PIEZO2: variants seen among roughly 807,000 people sequenced by gnomAD.
PIEZO2 encodes the protein piezo type mechanosensitive ion channel component 2.
A neutral mutation model predicts 337.3 loss-of-function variants in PIEZO2; 172 were observed. The observed-to-expected ratio is 0.51, with a 90% CI of 0.45 to 0.58. The LOEUF is 0.58. PIEZO2 is among the 20% of genes least tolerant of loss of function. PIEZO2 has a pLI of 0.00. For synonymous variants in PIEZO2, 1,251 were observed against 1,228.5 expected, an observed-to-expected ratio of 1.02 and a Z score of -0.38; for missense variants, 3,028 against 3,391.3, an observed-to-expected ratio of 0.89 and a Z score of 2.66.
At chr18:10,812,093 A>G (rs1013297271) in intron 7 of PIEZO2, among the ~76,000 whole-genome samples, 1 of 152,204 alleles carries the variant, frequency 6.6e-6, no homozygotes, top group African/African-American at 2.4e-5. Flanking sequence ...TTGGCTTCCC[A>G]AAGTGCTGGG....
chr18:10,742,752 T>C, intron 31 of PIEZO2, 137 bp from the exon 32 acceptor site: 1 of 904,164 alleles, frequency 1.1e-6, no homozygotes. Flanking sequence ...AATTGTAAAA[T>C]GGTTGCTCAT....
At chr18:10,789,868 G>A (rs546821681) in intron 14 of PIEZO2, among the ~76,000 whole-genome samples, 71 of 152,230 alleles carry the variant, frequency 4.7e-4, no homozygotes, top group African/African-American at 1.6e-3. Context: ...AAGAGTAATT[G>A]TAATTTAAGT....
At chr18:11,026,083 T>G (rs1036783212) in intron 2 of PIEZO2, among the ~76,000 whole-genome samples, 2 of 152,150 alleles carry the variant, frequency 1.3e-5, no homozygotes, top group Non-Finnish European at 2.9e-5. Flanking sequence ...GGAGCACGCA[T>G]TGCTTTGCCG....
chr18:10,976,983 G>T (rs1036388460), intron 3 of PIEZO2, among the ~76,000 whole-genome samples: 2 of 144,168 alleles, frequency 1.4e-5, no homozygotes, highest in East Asian at 2.0e-4. Context: ...GGAAGAAGGA[G>T]CCAAAGCAAG....
At position 11,127,943 on chromosome 18, in the gene PIEZO2, A is replaced by G. The variant is rs1374911891; in HGVS notation, c.64+20582T>C. Among the ~76,000 whole-genome samples, 1 of 151,696 alleles carries G rather than the reference A, an allele frequency of 6.6e-6. No individual in the cohort carries two copies. The highest frequency in any genetic ancestry group is 1.5e-5 in the Non-Finnish European group (1 of 67,960). On this transcript the variant is annotated intron_variant, in intron 1 of 55. Coordinates refer to ENST00000674853, the MANE Select transcript of PIEZO2 (RefSeq NM_001378183.1). The surrounding 1 kb of genome is among the most constrained non-coding windows in gnomAD (Gnocchi z 4.5). ...CTTTCGTTGGTTTTGGGGTTTCTGG[A>G]GTTGGCTGCTTAGTATGATTAGACC...
In PIEZO2 at chr18:10,847,295, G is replaced by GTC. The variant is rs2041396132; in HGVS notation, c.917+8056_917+8057dup. 1.3e-5 allele frequency among the ~76,000 whole-genome samples: 2 copies of GTC among 152,210 alleles called. No homozygotes were observed. The highest frequency in any genetic ancestry group is 4.8e-5 in the African/African-American group (2 of 41,444). ...TGGACCCTTTAGAATGAGTCACTGAGTCTGGCTAACTGTGGGGAATTCTAG... is the reference window on the plus strand; with the variant it reads ...TGGACCCTTTAGAATGAGTCACTGAGTCTCTGGCTAACTGTGGGGAATTCTAG... On this transcript the variant is annotated intron_variant, in intron 7 of 55. Coordinates refer to ENST00000674853, the MANE Select transcript of PIEZO2 (RefSeq NM_001378183.1). The surrounding 1 kb of genome is among the most constrained non-coding windows in gnomAD (Gnocchi z 5.7).
Position 10,861,636 on chromosome 18 carries a change from T to C in PIEZO2, c.493-4425A>G, listed in dbSNP as rs2041875437. 6.6e-6 allele frequency among the ~76,000 whole-genome samples: 1 copy of C among 152,206 alleles called. No homozygotes were observed. Among genetic ancestry groups the C allele is most frequent in the Admixed American group, 6.5e-5 (1 of 15,276 alleles). On this transcript the variant is annotated intron_variant, in intron 5 of 55. Transcript: ENST00000674853. The surrounding 1 kb of genome is among the most constrained non-coding windows in gnomAD (Gnocchi z 4.3). The stretch of plus-strand genomic sequence containing the variant: ...GGGACCTGGAAAGGGCAGATGCTGA[T>C]CAAGGGGTACAAAATTTCACTTAGA...
At chr18:11,084,610 G>A (rs182946140) in intron 1 of PIEZO2, among the ~76,000 whole-genome samples, 3 of 152,076 alleles carry the variant, frequency 2.0e-5, no homozygotes, top group Non-Finnish European at 1.5e-5. Flanking sequence ...ATCCCTATGT[G>A]ATTTGATTTG....
At chr18:10,948,497 T>C (rs1221424804) in intron 3 of PIEZO2, among the ~76,000 whole-genome samples, 1 of 152,224 alleles carries the variant, frequency 6.6e-6, no homozygotes, top group Non-Finnish European at 1.5e-5. Context: ...GCATTGATGA[T>C]GTTTTAAGAT....
chr18:10,818,492 G>A (rs1192255606), intron 7 of PIEZO2, among the ~76,000 whole-genome samples: 1 of 152,116 alleles, frequency 6.6e-6, no homozygotes, highest in African/African-American at 2.4e-5. Flanking sequence ...AGATGAATTC[G>A]AGCACAGAGA....
chr18:10,886,384 A>G (rs74222127), intron 4 of PIEZO2, among the ~76,000 whole-genome samples: 426 of 4,042 alleles, frequency 0.11, 95 homozygotes, highest in East Asian at 0.24. Context: ...GTGTGTGTAT[A>G]TATATATATA....
intron 2 of PIEZO2, among the ~76,000 whole-genome samples, chr18:11,014,627 A>G (rs1361452739): frequency 7.9e-6 from 1 of 126,700 alleles, no homozygotes; most frequent in Non-Finnish European, 1.6e-5. Context: ...GGAACACGTC[A>G]CTCTGGGTGG....
chr18:10,862,446 C>T lies in PIEZO2; in HGVS notation c.493-5235G>A, dbSNP rs1008246735. 1.8e-4 allele frequency among the ~76,000 whole-genome samples: 27 copies of T among 152,148 alleles called. No individual in the cohort carries two copies. Among genetic ancestry groups the T allele is most frequent in the African/African-American group, 6.0e-4 (25 of 41,416 alleles). ...CAATGAGACGGGATCTAAACCTTTG[C>T]GTCTCTGCATCTCATCCCACAACAT... On this transcript the variant is annotated intron_variant, in intron 5 of 55. Transcript: ENST00000674853. This position sits in a 1 kb window ranked among gnomAD's most constrained non-coding sequence, Gnocchi z 4.4.
At chr18:10,927,955 G>T (rs1046758573) in intron 3 of PIEZO2, among the ~76,000 whole-genome samples, 1 of 151,902 alleles carries the variant, frequency 6.6e-6, no homozygotes, top group Non-Finnish European at 1.5e-5. Flanking sequence ...CAAACCCAAA[G>T]AACTTAGACG....
At position 10,903,602 on chromosome 18, in the gene PIEZO2, G is replaced by C. The variant is rs985160195; in HGVS notation, c.329+7584C>G. ...GGAGAATGGCATGAACCCAGGAGGA[G>C]GCAGAGCTTGCAGTGAGCCGAGATC... is the stretch of plus-strand genomic sequence containing the variant. On this transcript the variant is annotated intron_variant, in intron 4 of 55. Transcript: ENST00000674853. The surrounding 1 kb of genome is among the most constrained non-coding windows in gnomAD (Gnocchi z 4.1). Among the ~76,000 whole-genome samples the C allele has an allele frequency of 6.6e-6, 1 of 151,262 alleles. No individual in the cohort carries two copies. Among genetic ancestry groups the C allele is most frequent in the Non-Finnish European group, 1.5e-5 (1 of 67,772 alleles).
At chr18:10,774,168 C>T (rs150648834) in intron 18 of PIEZO2, 130 bp from the exon 19 acceptor site, 196 of 650,110 alleles carry the variant, frequency 3.0e-4, no homozygotes, top group African/African-American at 2.7e-3. Flanking sequence ...GTTGCAGTAA[C>T]GCCCTAATGC....
intron 5 of PIEZO2, among the ~76,000 whole-genome samples, chr18:10,858,050 G>A (rs147459269): frequency 0.018 from 2,720 of 147,610 alleles, 87 homozygotes; most frequent in African/African-American, 0.064. Flanking sequence ...GGCTGGGTGC[G>A]GTGGCTGACT....
At chr18:11,103,507 G>A (rs1379922254) in intron 1 of PIEZO2, among the ~76,000 whole-genome samples, 1 of 152,172 alleles carries the variant, frequency 6.6e-6, no homozygotes, top group Non-Finnish European at 1.5e-5. Context: ...ACATTGCTCT[G>A]TGTGATTTCA....
At position 10,713,963 on chromosome 18, in the gene PIEZO2, T is replaced by C. The variant is rs1476535017; in HGVS notation, c.5423+801A>G. On this transcript the variant is annotated intron_variant, in intron 39 of 55. Coordinates refer to ENST00000674853, the MANE Select transcript of PIEZO2 (RefSeq NM_001378183.1). The surrounding 1 kb of genome is among the most constrained non-coding windows in gnomAD (Gnocchi z 4.5). Reference sequence around the variant, plus strand: ...TCTGAGGCTTTTCTGGGACAGGCAGTAAGTTGGTCTGCGGTGCAGGAAGAG... The same window carrying C: ...TCTGAGGCTTTTCTGGGACAGGCAGCAAGTTGGTCTGCGGTGCAGGAAGAG... Among the ~76,000 whole-genome samples the C allele has an allele frequency of 6.6e-6, 1 of 152,160 alleles. No individual in the cohort carries two copies. The highest frequency in any genetic ancestry group is 1.5e-5 in the Non-Finnish European group (1 of 68,032).
Sources: gnomAD v4.1 joint callset for allele counts (sites outside exome capture counted in the v4.1 genomes callset) on GRCh38, gnomAD v4.1.1 for gene constraint, Gnocchi (gnomAD v3.1) non-coding constraint, MANE v1.5 for transcripts, NCBI Gene and HGNC (gene_info 2026-07-23, HGNC 2026-07-21) for gene names.